The following ULK4 variants were observed in gnomAD, a reference collection of about 807,000 sequenced individuals.
ULK4 encodes inactive serine/threonine-protein kinase ULK4.
In ULK4, 133 loss-of-function variants were observed where a neutral mutation model predicts 160.6. That is an observed-to-expected ratio of 0.83 (90% CI 0.72 to 0.96). The LOEUF (loss-of-function observed/expected upper bound fraction) is 0.96. Among genes scored for constraint, ULK4 ranks in the 40% least tolerant of loss-of-function variants. The pLI is 0.00. For missense variants in ULK4, 1,580 were observed against 1,499.5 expected, an observed-to-expected ratio of 1.05 and a Z score of -0.89; for synonymous variants, 534 against 539.8, an observed-to-expected ratio of 0.99 and a Z score of 0.15.
At chr3:41,557,477 T>G (rs1449219838) in intron 32 of ULK4, among the ~76,000 whole-genome samples, 3 of 152,060 alleles carry the variant, frequency 2.0e-5, no homozygotes, top group East Asian at 1.9e-4. Flanking sequence ...AACAACAGAT[T>G]GCGGCCAGGC....
chr3:41,439,435 A>C (rs1220243627), intron 34 of ULK4, among the ~76,000 whole-genome samples: 1 of 152,208 alleles, frequency 6.6e-6, no homozygotes, highest in Non-Finnish European at 1.5e-5. Context: ...CACCGAACAA[A>C]ATGACCACTA....
chr3:41,335,882 A>G (rs901688), intron 35 of ULK4, among the ~76,000 whole-genome samples: 45,094 of 152,132 alleles, frequency 0.3, 6,911 homozygotes, highest in Middle Eastern at 0.37. Context: ...GGTAACCCAA[A>G]TAAAAATGCT....
chr3:41,477,891 G>A (rs986823772), intron 32 of ULK4, among the ~76,000 whole-genome samples: 3 of 152,226 alleles, frequency 2.0e-5, no homozygotes, highest in African/African-American at 7.2e-5. Flanking sequence ...TCATCTCAGT[G>A]TAAGATTTGC....
intron 17 of ULK4, among the ~76,000 whole-genome samples, chr3:41,848,642 G>A (rs1461763552): frequency 6.6e-6 from 1 of 152,204 alleles, no homozygotes; most frequent in Non-Finnish European, 1.5e-5. Context: ...TCTGGACATA[G>A]AGTGAAGGAA....
intron 30 of ULK4, among the ~76,000 whole-genome samples, chr3:41,630,331 CT>C (rs2033691315): frequency 6.6e-6 from 1 of 152,142 alleles, no homozygotes; most frequent in South Asian, 2.1e-4. Context: ...AATTCAGTTC[CT>C]TGCAGTTGTA....
chr3:41,269,371 C>T (rs920320852), intron 35 of ULK4, among the ~76,000 whole-genome samples: 1 of 151,876 alleles, frequency 6.6e-6, no homozygotes, highest in South Asian at 2.1e-4. Context: ...CAAGCAGAGA[C>T]CTGGCCTATG....
chr3:41,733,009 T>C (rs1024333876), intron 22 of ULK4, among the ~76,000 whole-genome samples: 2 of 152,038 alleles, frequency 1.3e-5, no homozygotes, highest in Non-Finnish European at 2.9e-5. Context: ...TACAGTTCGA[T>C]AGGGAAAATA....
At chr3:41,275,903 G>T (rs542374290) in intron 35 of ULK4, among the ~76,000 whole-genome samples, 1 of 152,336 alleles carries the variant, frequency 6.6e-6, no homozygotes, top group South Asian at 2.1e-4. Flanking sequence ...ATTGGGTATG[G>T]GCTTTGTCTA....
At chr3:41,542,033 G>C (rs2086712746) in intron 32 of ULK4, among the ~76,000 whole-genome samples, 1 of 152,056 alleles carries the variant, frequency 6.6e-6, no homozygotes, top group Non-Finnish European at 1.5e-5. Flanking sequence ...GATTGTCCTG[G>C]CCAGAACTTC....
At chr3:41,576,010 C>A (rs1397050845) in intron 31 of ULK4, among the ~76,000 whole-genome samples, 1 of 152,148 alleles carries the variant, frequency 6.6e-6, no homozygotes, top group African/African-American at 2.4e-5. Flanking sequence ...ATGGACTGTG[C>A]CCCTTTTATG....
chr3:41,311,179 C>T (rs886147011), intron 35 of ULK4, among the ~76,000 whole-genome samples: 68 of 152,176 alleles, frequency 4.5e-4, no homozygotes, highest in African/African-American at 1.6e-3. Flanking sequence ...ATTTAATGGA[C>T]ATTATCATGG....
chr3:41,496,507 G>A (rs144940468), intron 32 of ULK4, among the ~76,000 whole-genome samples: 6 of 152,126 alleles, frequency 3.9e-5, no homozygotes, highest in African/African-American at 1.4e-4. Context: ...AAGTAGAAGT[G>A]GGCAGTCTTA....
intron 4 of ULK4, among the ~76,000 whole-genome samples, chr3:41,934,496 C>CT (rs1699697634): frequency 6.6e-6 from 1 of 152,194 alleles, no homozygotes; most frequent in Non-Finnish European, 1.5e-5. Context: ...AACACAATAA[C>CT]TGACATCACT....
intron 34 of ULK4, among the ~76,000 whole-genome samples, chr3:41,412,593 C>T (rs2082431691): frequency 9.5e-6 from 1 of 104,966 alleles, no homozygotes; most frequent in African/African-American, 3.8e-5. Context: ...CAGAGTCTCG[C>T]TCTGTTGCCC....
chr3:41,957,580 G>T (rs1461867755), intron 1 of ULK4, among the ~76,000 whole-genome samples: 1 of 151,968 alleles, frequency 6.6e-6, no homozygotes, highest in Non-Finnish European at 1.5e-5. Flanking sequence ...AGGCACGGTT[G>T]CTCGCACCTA....
chr3:41,270,403 G>C (rs1575378223), intron 35 of ULK4, among the ~76,000 whole-genome samples: 1 of 151,936 alleles, frequency 6.6e-6, no homozygotes, highest in South Asian at 2.1e-4. Context: ...CCCTAGAGTT[G>C]TCCTGCACAT....
At chr3:41,269,932 G>A (rs983369221) in intron 35 of ULK4, among the ~76,000 whole-genome samples, 1 of 152,124 alleles carries the variant, frequency 6.6e-6, no homozygotes, top group African/African-American at 2.4e-5. Context: ...GTTGAAAGGT[G>A]CAATGAAAAT....
At chr3:41,541,318 G>C (rs2086687413) in intron 32 of ULK4, among the ~76,000 whole-genome samples, 1 of 152,164 alleles carries the variant, frequency 6.6e-6, no homozygotes, top group Non-Finnish European at 1.5e-5. Flanking sequence ...TGTCAGGTTT[G>C]TCAAAGATCA....
intron 32 of ULK4, among the ~76,000 whole-genome samples, chr3:41,563,160 T>G (rs1297038140): frequency 6.6e-6 from 1 of 152,230 alleles, no homozygotes; most frequent in Admixed American, 6.5e-5. Context: ...TGAAAATTCT[T>G]TTCTTTAAGA....
Sources: allele counts gnomAD v4.1 joint callset (sites outside exome capture counted in the v4.1 genomes callset), GRCh38; gene constraint gnomAD v4.1.1; transcripts MANE v1.5; gene names NCBI Gene and HGNC (gene_info 2026-07-23, HGNC 2026-07-21).